The following CLCN6 variants were observed in gnomAD, a reference collection of about 807,000 sequenced individuals.
CLCN6 encodes H(+)/Cl(-) exchange transporter 6.
Under a neutral mutation model 109.8 loss-of-function variants are expected in CLCN6, and 70 were observed. The ratio of observed to expected loss-of-function variants is 0.64; its 90% CI spans 0.53 to 0.78. The LOEUF (loss-of-function observed/expected upper bound fraction) is 0.78, where lower values mean the gene tolerates loss of function less well. CLCN6 is among the 30% of genes least tolerant of loss of function. The pLI, the probability that CLCN6 is intolerant of heterozygous loss-of-function variation, is 0.00. For synonymous variants in CLCN6, 444 were observed against 447.8 expected (o/e 0.99, Z 0.11); for missense variants, 984 against 1,142.3 (o/e 0.86, Z 2.00).
chr1:11,833,028 T>C (rs1644899807), intron 13 of CLCN6, among the ~76,000 whole-genome samples: 1 of 151,982 alleles, frequency 6.6e-6, no homozygotes, highest in South Asian at 2.1e-4. Flanking sequence ...TGCTTTTTTT[T>C]TTTTTGTAGC....
chr1:11,841,163 T>C lies in CLCN6; in HGVS notation c.*940T>C, dbSNP rs1238475279. 1 of 152,620 alleles carries C rather than the reference T, an allele frequency of 6.6e-6. No homozygotes were observed. The highest frequency in any genetic ancestry group is 1.5e-5 in the Non-Finnish European group (1 of 68,028). 9.5% of individuals were successfully genotyped at this position (152,620 alleles called of 1,614,324 possible). ...CTCTGGGGAATGCTACCATTTTTTT[T>C]CCAAAGTAGAAAGGAAGCACTTCTG... is the stretch of plus-strand genomic sequence containing the variant. On this transcript the variant is annotated 3_prime_UTR_variant, in exon 23 of 23. Transcript: ENST00000346436.
intron 7 of CLCN6, 75 bp from the exon 8 acceptor site, chr1:11,824,411 T>C: frequency 8.0e-7 from 1 of 1,242,906 alleles, no homozygotes; most frequent in South Asian, 1.3e-5. Flanking sequence ...CGAGGAAGGT[T>C]TTTGTAGCCA....
chr1:11,822,873 C>CCAGAATGTCA, intron 6 of CLCN6, 72 bp downstream of exon 6: 1 of 955,662 alleles, frequency 1.0e-6, no homozygotes, highest in Non-Finnish European at 1.7e-6. Context: ...CCACCTCCTT[C>CCAGAATGTCA]CAGAATGTCA....
chr1:11,834,816 C>A lies in CLCN6; in HGVS notation c.1793+226C>A, dbSNP rs114707454. On this transcript the variant is annotated intron_variant, in intron 17 of 22. Transcript: ENST00000346436. The surrounding 1 kb of genome is among the most constrained non-coding windows in gnomAD (Gnocchi z 4.5). The stretch of plus-strand genomic sequence containing the variant: ...TGTGGGACTGCAGTGGGCAGGGCCT[C>A]TTCGTGGTGGTTTGACTCCCATGGC... Among the ~76,000 whole-genome samples, 1 of 152,094 alleles carries A rather than the reference C, an allele frequency of 6.6e-6. No individual in the cohort carries two copies. The highest frequency in any genetic ancestry group is 6.5e-5 in the Admixed American group (1 of 15,280).
intron 13 of CLCN6, among the ~76,000 whole-genome samples, chr1:11,831,482 G>GA (rs757189195): frequency 5.7e-4 from 86 of 151,728 alleles, no homozygotes; most frequent in Non-Finnish European, 1.0e-3. Flanking sequence ...AGGGTTGAGA[G>GA]AAAAAAAAGA....
Position 11,822,504 on chromosome 1 carries a change from A to G in CLCN6, c.347-191A>G, listed in dbSNP as rs901863457. On this transcript the variant is annotated intron_variant, in intron 5 of 22. Coordinates refer to ENST00000346436, the MANE Select transcript of CLCN6 (RefSeq NM_001286.5). ...GTGATCCTCCTGCCTCAGCCTCCCAAAGTGTTGGGATTACAGGCATGAGCC... is the reference window on the plus strand; with the variant it reads ...GTGATCCTCCTGCCTCAGCCTCCCAGAGTGTTGGGATTACAGGCATGAGCC... Among the ~76,000 whole-genome samples, 10 of 152,116 alleles carry G rather than the reference A, an allele frequency of 6.6e-5. No individual in the cohort carries two copies. Among genetic ancestry groups the G allele is most frequent in the Admixed American group, 3.3e-4 (5 of 15,266 alleles).
chr1:11,815,815 G>A, intron 2 of CLCN6, 31 bp from the exon 3 acceptor site: 1 of 1,588,342 alleles, frequency 6.3e-7, no homozygotes, highest in South Asian at 1.1e-5. Flanking sequence ...CACCTGACAT[G>A]ACCTTTTGAC....
intron 13 of CLCN6, 102 bp from the exon 14 acceptor site, chr1:11,833,413 G>A: frequency 8.6e-7 from 1 of 1,163,836 alleles, no homozygotes; most frequent in Non-Finnish European, 1.2e-6. Flanking sequence ...GATTGATGGG[G>A]AAAGCTGTGC....
intron 18 of CLCN6, among the ~76,000 whole-genome samples, chr1:11,836,561 G>C (rs1644952678): frequency 6.6e-6 from 1 of 152,190 alleles, no homozygotes; most frequent in Non-Finnish European, 1.5e-5. Context: ...GTGGGGAGCA[G>C]TGCAGGGTCT....
intron 5 of CLCN6, chr1:11,820,348 A>T: frequency 1.4e-6 from 1 of 715,482 alleles, no homozygotes. Context: ...TTCCTATTTC[A>T]TACTATAAAT....
intron 2 of CLCN6, among the ~76,000 whole-genome samples, chr1:11,808,603 GA>G (rs1644555262): frequency 6.6e-6 from 1 of 151,036 alleles, no homozygotes; most frequent in Admixed American, 6.6e-5. Flanking sequence ...AACTTTATTT[GA>G]ATTAGGTTCC....
In CLCN6 at chr1:11,806,328, G is replaced by C; in HGVS notation, c.66G>C (p.Glu22Asp). Reference sequence around the variant, plus strand: ...GGTGCTGCTGCTGCGGTGAGCGTGAGACCCGCACCCCCGAGGAGCTGGTAA... The same window carrying C: ...GGTGCTGCTGCTGCGGTGAGCGTGACACCCGCACCCCCGAGGAGCTGGTAA... ...CRWCCCCGER[E>D]TRTPEELTIL... The change falls in exon 1 of 23, where the codon GAG (glutamate) becomes GAC (aspartate). Residue 22 changes from glutamate to aspartate, a missense_variant. By Grantham distance (45) the Glu-to-Asp change is conservative. Coordinates refer to ENST00000346436, the MANE Select transcript of CLCN6 (RefSeq NM_001286.5). 6.6e-7 allele frequency: 1 copy of C among 1,516,212 alleles called. No individual in the cohort carries two copies. The highest frequency in any genetic ancestry group is 8.7e-7 in the Non-Finnish European group (1 of 1,143,894). The allele number at this position is 1,516,212 out of a possible 1,614,324, so 93.9% of individuals were successfully genotyped here. A position where few individuals can be genotyped will look rare whatever the true frequency, so the allele number is the denominator to read the frequency against.
chr1:11,806,238 T>C lies in CLCN6; in HGVS notation c.-25T>C. On this transcript the variant is annotated 5_prime_UTR_variant, in exon 1 of 23. Coordinates refer to ENST00000346436, the MANE Select transcript of CLCN6 (RefSeq NM_001286.5). ...GGCTGGGAGGGGGTTGGTAGAGGGGTCCAGAGTGGCAGTAAAGGAGGAAGA... is the reference window on the plus strand; with the variant it reads ...GGCTGGGAGGGGGTTGGTAGAGGGGCCCAGAGTGGCAGTAAAGGAGGAAGA... The C allele has an allele frequency of 7.0e-7, 1 of 1,438,318 alleles. No individual in the cohort carries two copies. The allele number at this position is 1,438,318 out of a possible 1,614,324, so 89.1% of individuals were successfully genotyped here.
intron 10 of CLCN6, 131 bp downstream of exon 10, chr1:11,827,352 G>A (rs1245827271): frequency 1.9e-5 from 17 of 911,002 alleles, no homozygotes; most frequent in Non-Finnish European, 2.7e-5. Flanking sequence ...CTTTCCTCTT[G>A]TGCCCATAAC....
intron 13 of CLCN6, among the ~76,000 whole-genome samples, chr1:11,831,674 G>A (rs1644886399): frequency 6.6e-6 from 1 of 152,122 alleles, no homozygotes; most frequent in Non-Finnish European, 1.5e-5. Context: ...AATGGGCTAG[G>A]AATTAAATAT....
chr1:11,819,100 C>A (rs1338963222), intron 4 of CLCN6, among the ~76,000 whole-genome samples: 2 of 152,198 alleles, frequency 1.3e-5, no homozygotes, highest in African/African-American at 4.8e-5. Context: ...CTTAGCTCAT[C>A]AGCTGTCATT....
At chr1:11,839,043 A>T (rs1383747992) in intron 22 of CLCN6, 1 of 613,534 alleles carries the variant, frequency 1.6e-6, no homozygotes, top group South Asian at 1.9e-5. Context: ...TAAAACACCT[A>T]GTAATTATTG....
intron 3 of CLCN6, 35 bp from the exon 4 acceptor site, chr1:11,816,580 C>T (rs1644674978): frequency 6.3e-7 from 1 of 1,595,028 alleles, no homozygotes; most frequent in African/African-American, 1.3e-5. Context: ...CACCATAACC[C>T]TGTAAACTGA....
In CLCN6 at chr1:11,841,811, C is replaced by T. The variant is rs542112042; in HGVS notation, c.*1588C>T. The T allele has an allele frequency of 6.6e-6, 1 of 152,398 alleles. No homozygotes were observed. Among genetic ancestry groups the T allele is most frequent in the African/African-American group, 2.4e-5 (1 of 41,592 alleles). 9.4% of individuals were successfully genotyped at this position (152,398 alleles called of 1,614,324 possible). A position where few individuals can be genotyped will look rare whatever the true frequency, so the allele number is the denominator to read the frequency against. On this transcript the variant is annotated 3_prime_UTR_variant, in exon 23 of 23. Transcript: ENST00000346436. ...AGATGGGGCTGCTTCAAGGTCTTTT[C>T]TAGCTGATTGTGGCCCCTCCATTTT... is the stretch of plus-strand genomic sequence containing the variant.
Sources: gnomAD v4.1 joint callset for allele counts (sites outside exome capture counted in the v4.1 genomes callset) on GRCh38, gnomAD v4.1.1 for gene constraint, Gnocchi (gnomAD v3.1) non-coding constraint, MANE v1.5 for transcripts, NCBI Gene and HGNC (gene_info 2026-07-23, HGNC 2026-07-21) for gene names.